Variants in ARHGAP10 observed in about 807,000 individuals in gnomAD.
ARHGAP10 encodes Rho GTPase activating protein 10.
A neutral mutation model predicts 108.6 loss-of-function variants in ARHGAP10; 87 were observed. The ratio of observed to expected loss-of-function variants is 0.80; its 90% CI spans 0.67 to 0.96. The LOEUF (loss-of-function observed/expected upper bound fraction) is 0.96. Among genes scored for constraint, ARHGAP10 ranks in the 40% least tolerant of loss-of-function variants. The probability of loss-of-function intolerance (pLI) is 0.00; values close to 1 mark genes in which losing one functional copy is unlikely to be tolerated. For synonymous variants in ARHGAP10, 347 were observed against 341.1 expected, an observed-to-expected ratio of 1.02 and a Z score of -0.19; for missense variants, 939 against 954.5, an observed-to-expected ratio of 0.98 and a Z score of 0.21.
At chr4:148,005,412 C>T (rs1389720901) in intron 18 of ARHGAP10, among the ~76,000 whole-genome samples, 1 of 151,970 alleles carries the variant, frequency 6.6e-6, no homozygotes, top group African/African-American at 2.4e-5. Context: ...AGCGAGACCC[C>T]ATCTCTATTT....
intron 1 of ARHGAP10, among the ~76,000 whole-genome samples, chr4:147,782,973 T>C (rs923396110): frequency 5.7e-5 from 8 of 140,978 alleles, no homozygotes; most frequent in Non-Finnish European, 1.2e-4. Context: ...TATATTAAAT[T>C]ATATATTATA....
intron 1 of ARHGAP10, among the ~76,000 whole-genome samples, chr4:147,762,163 A>C (rs940274719): frequency 6.6e-6 from 1 of 152,124 alleles, no homozygotes; most frequent in African/African-American, 2.4e-5. Flanking sequence ...ATGCGCCACC[A>C]TGCCCAGCTA....
intron 18 of ARHGAP10, among the ~76,000 whole-genome samples, chr4:147,988,947 A>G (rs1341923048): frequency 1.3e-5 from 2 of 152,246 alleles, no homozygotes; most frequent in Admixed American, 1.3e-4. Flanking sequence ...TTCTACTTAA[A>G]TAATGTAAGA....
At chr4:148,010,311 A>G (rs976772821) in intron 18 of ARHGAP10, among the ~76,000 whole-genome samples, 17 of 152,196 alleles carry the variant, frequency 1.1e-4, no homozygotes, top group African/African-American at 3.6e-4. Flanking sequence ...ACCACAGTGC[A>G]TTTAAATAGC....
intron 14 of ARHGAP10, among the ~76,000 whole-genome samples, chr4:147,945,570 CTG>C (rs1387254502): frequency 3.9e-5 from 6 of 152,102 alleles, no homozygotes; most frequent in Non-Finnish European, 8.8e-5. Context: ...TTTTAAGTCT[CTG>C]TGTAGTTATT....
At chr4:147,940,037 G>A (rs1738114220) in intron 14 of ARHGAP10, 138 bp downstream of exon 14, 1 of 787,070 alleles carries the variant, frequency 1.3e-6, no homozygotes, top group African/African-American at 1.8e-5. Flanking sequence ...CTGCTGAGCA[G>A]AGACAATTGA....
chr4:147,930,646 C>G (rs1214561399), intron 13 of ARHGAP10, among the ~76,000 whole-genome samples: 1 of 151,972 alleles, frequency 6.6e-6, no homozygotes. Flanking sequence ...AATTTCTAGC[C>G]TATCTTCTCA....
chr4:147,913,208 A>G, intron 13 of ARHGAP10, 69 bp downstream of exon 13: 2 of 1,403,094 alleles, frequency 1.4e-6, no homozygotes, highest in Admixed American at 1.7e-5. Context: ...CATTAAAAAT[A>G]CTTCTTGCTT....
intron 10 of ARHGAP10, among the ~76,000 whole-genome samples, chr4:147,896,439 G>A (rs1334942069): frequency 1.3e-5 from 2 of 152,016 alleles, no homozygotes; most frequent in African/African-American, 4.8e-5. Flanking sequence ...TGGTTTTCAA[G>A]GAATTTATTT....
intron 1 of ARHGAP10, among the ~76,000 whole-genome samples, chr4:147,803,030 A>T (rs1475205615): frequency 6.7e-6 from 1 of 149,564 alleles, no homozygotes; most frequent in African/African-American, 2.5e-5. Flanking sequence ...TTTTTTTGAG[A>T]TGGAGCCTTG....
chr4:148,037,809 T>G (rs923977990), intron 19 of ARHGAP10, among the ~76,000 whole-genome samples: 1 of 148,682 alleles, frequency 6.7e-6, no homozygotes, highest in African/African-American at 2.5e-5. Context: ...CTCTCCAGCC[T>G]GGTGACAGGG....
At chr4:147,943,373 T>C (rs1312033324) in intron 14 of ARHGAP10, among the ~76,000 whole-genome samples, 2 of 152,232 alleles carry the variant, frequency 1.3e-5, no homozygotes, top group Admixed American at 6.5e-5. Context: ...GACAGCTTTG[T>C]TGCATAGATT....
intron 1 of ARHGAP10, among the ~76,000 whole-genome samples, chr4:147,804,342 T>C (rs1278123681): frequency 5.3e-5 from 8 of 152,244 alleles, no homozygotes; most frequent in Non-Finnish European, 7.3e-5. Flanking sequence ...GTTCTTTTTT[T>C]TATGGCCATA....
At chr4:147,951,228 T>TC (rs898494560) in intron 15 of ARHGAP10, among the ~76,000 whole-genome samples, 6 of 151,880 alleles carry the variant, frequency 4.0e-5, no homozygotes, top group South Asian at 2.1e-4. Flanking sequence ...GGTTTCTCAT[T>TC]CCCCCCCTCC....
rs1219744954 is a variant in ARHGAP10 at position 148,004,954 on chromosome 4, C to T, written c.1717-18309C>T. ...CTGCTGAGATTATGCTAATTTGTTG[C>T]ACAGCAATAGAAAACTAATACACTG... On this transcript the variant is annotated intron_variant, in intron 18 of 22. Coordinates refer to ENST00000336498, the MANE Select transcript of ARHGAP10 (RefSeq NM_024605.4). Among the ~76,000 whole-genome samples, 3 of 152,166 alleles carry T rather than the reference C, an allele frequency of 2.0e-5. No individual in the cohort carries two copies. The East Asian group carries it at 5.8e-4, about 29-fold the overall frequency.
Position 147,836,518 on chromosome 4 carries a change from G to T in ARHGAP10, c.313-10633G>T, listed in dbSNP as rs565473115. ...TTATTATGTGAGTCGTCTTTGGTCT[G>T]AAAGAATGAGGCATTATTCAACAGC... On this transcript the variant is annotated intron_variant, in intron 3 of 22. Transcript: ENST00000336498. 7.9e-5 allele frequency among the ~76,000 whole-genome samples: 12 copies of T among 152,280 alleles called. No homozygotes were observed. The East Asian group carries it at 2.3e-3, about 29-fold the overall frequency.
intron 8 of ARHGAP10, among the ~76,000 whole-genome samples, chr4:147,879,021 C>T (rs776917535): frequency 9.9e-5 from 15 of 152,150 alleles, no homozygotes; most frequent in Non-Finnish European, 1.9e-4. Flanking sequence ...CCACCCGCCT[C>T]GACCTCCCAA....
At chr4:147,885,449 C>T (rs557195296) in intron 10 of ARHGAP10, among the ~76,000 whole-genome samples, 10 of 152,278 alleles carry the variant, frequency 6.6e-5, no homozygotes, top group African/African-American at 2.2e-4. Flanking sequence ...AACCCATTCC[C>T]ATGATTCAGT....
At position 147,966,665 on chromosome 4, in the gene ARHGAP10, C is replaced by A. The variant is rs765232989; in HGVS notation, c.1557-15C>A. 2.3e-5 allele frequency: 36 copies of A among 1,550,382 alleles called. No individual in the cohort carries two copies. In the East Asian group the frequency reaches 6.1e-4, roughly 26 times the overall value. On this transcript the variant is annotated splice_polypyrimidine_tract_variant and intron_variant, in intron 17 of 22. Transcript: ENST00000336498. The stretch of plus-strand genomic sequence containing the variant: ...CCTTTGGTTAAACAGATTCCTCCCC[C>A]CTTACCAATTTCAGTGTTTCAAATC...
Sources: allele counts gnomAD v4.1 joint callset (sites outside exome capture counted in the v4.1 genomes callset), GRCh38; gene constraint gnomAD v4.1.1; transcripts MANE v1.5; gene names NCBI Gene and HGNC (gene_info 2026-07-23, HGNC 2026-07-21).